TBC1D32: variants seen among roughly 807,000 people sequenced by gnomAD.
TBC1D32 encodes the protein protein broad-minded.
Under a neutral mutation model 170.3 loss-of-function variants are expected in TBC1D32, and 151 were observed. That is an observed-to-expected ratio of 0.89 (90% confidence interval 0.78 to 1.01). The LOEUF (loss-of-function observed/expected upper bound fraction) is 1.01, where lower values mean the gene tolerates loss of function less well. Ranked by LOEUF, TBC1D32 falls within the 50% of genes least tolerant of loss-of-function variation. TBC1D32 has a pLI of 0.00. For synonymous variants in TBC1D32, 498 were observed against 488.0 expected (o/e 1.02, Z -0.27); for missense variants, 1,464 against 1,457.1 (o/e 1.00, Z -0.08).
chr6:121,198,676 G>A (rs1029828524), intron 22 of TBC1D32, among the ~76,000 whole-genome samples: 2 of 151,108 alleles, frequency 1.3e-5, no homozygotes, highest in African/African-American at 4.9e-5. Context: ...GCATGAACCC[G>A]GGAGGCGGAG....
chr6:121,258,267 G>A (rs936584940), intron 15 of TBC1D32, among the ~76,000 whole-genome samples: 1 of 151,942 alleles, frequency 6.6e-6, no homozygotes, highest in African/African-American at 2.4e-5. Flanking sequence ...ATTACTTTGA[G>A]GAATTTTTTT....
intron 26 of TBC1D32, among the ~76,000 whole-genome samples, chr6:121,125,297 C>T (rs916527490): frequency 6.6e-6 from 1 of 152,118 alleles, no homozygotes; most frequent in African/African-American, 2.4e-5. Context: ...ACATAGCTTT[C>T]CAGCCCAGAA....
intron 3 of TBC1D32, among the ~76,000 whole-genome samples, chr6:121,313,821 T>C (rs1808573348): frequency 6.6e-6 from 1 of 152,132 alleles, no homozygotes; most frequent in African/African-American, 2.4e-5. Context: ...GTCTTGCCAT[T>C]TCTCAGCAGT....
intron 14 of TBC1D32, among the ~76,000 whole-genome samples, 191 bp downstream of exon 14, chr6:121,281,353 A>G (rs992597716): frequency 4.0e-5 from 6 of 151,534 alleles, no homozygotes; most frequent in African/African-American, 1.5e-4. Flanking sequence ...TTCCCTCTGC[A>G]TATCATAATA....
At chr6:121,210,565 G>A (rs560019953) in intron 21 of TBC1D32, among the ~76,000 whole-genome samples, 12 of 152,276 alleles carry the variant, frequency 7.9e-5, no homozygotes, top group South Asian at 2.1e-4. Flanking sequence ...GGCAGAATTC[G>A]AAAATGGCCC....
rs1409547939 is a variant in TBC1D32 at position 121,106,088 on chromosome 6, G to A, written c.3400C>T (p.Leu1134=). Residue 1134 remains leucine (L), a synonymous_variant, in exon 30 of 32, where the codon CTA becomes TTA. Transcript: ENST00000398212. ...YFCSTHYIEM[L]LKAELPLVFS... ...ACAAGAGGCAACTCAGCCTTCAGTA[G>A]CATTTCAATATAATGGGTGCTGCAA... The A allele has an allele frequency of 1.9e-6, 3 of 1,609,022 alleles. No homozygotes were observed. Among genetic ancestry groups the A allele is most frequent in the East Asian group, 2.2e-5 (1 of 44,816 alleles).
chr6:121,205,214 A>T (rs772616658), intron 21 of TBC1D32, 51 bp from the exon 22 acceptor site: 1 of 918,528 alleles, frequency 1.1e-6, no homozygotes, highest in African/African-American at 1.7e-5. Flanking sequence ...TCATTTAAAG[A>T]AAATTAAGTC....
intron 1 of TBC1D32, among the ~76,000 whole-genome samples, chr6:121,328,042 A>G (rs1203916961): frequency 6.6e-6 from 1 of 152,174 alleles, no homozygotes; most frequent in African/African-American, 2.4e-5. Flanking sequence ...ATTTAAATCA[A>G]TTCTGCTAAA....
chr6:121,183,784 T>C (rs999409795), intron 22 of TBC1D32, among the ~76,000 whole-genome samples: 1 of 152,058 alleles, frequency 6.6e-6, no homozygotes, highest in African/African-American at 2.4e-5. Context: ...AAAAACATAG[T>C]ACAAGACGTC....
Position 121,090,905 on chromosome 6 carries a change from T to C in TBC1D32, c.3602A>G (p.Gln1201Arg). The change falls in exon 31 of 32, where the codon CAG becomes CGG. Residue 1201 changes from glutamine (Q) to arginine (R), a missense_variant. Physicochemically the swap from Gln to Arg is conservative, Grantham distance 43. Transcript: ENST00000398212. ...YICIAVFKHL[Q>R]QDILQHTQTQ... ...CTGAGTGTGCTGTAGAATGTCTTGC[T>C]GTAAATGTTTGAATACAGCTATACA... 2 of 1,612,952 alleles carry C rather than the reference T, an allele frequency of 1.2e-6. No homozygotes were observed. The highest frequency in any genetic ancestry group is 1.7e-6 in the Non-Finnish European group (2 of 1,179,698).
intron 21 of TBC1D32, among the ~76,000 whole-genome samples, chr6:121,215,242 G>A (rs1309139010): frequency 6.6e-6 from 1 of 152,216 alleles, no homozygotes; most frequent in Non-Finnish European, 1.5e-5. Context: ...AGAATTGGCA[G>A]CTCGGCCCTC....
In TBC1D32 at chr6:121,112,550, C is replaced by T; in HGVS notation, c.3279G>A (p.Arg1093=). 1.9e-6 allele frequency: 3 copies of T among 1,610,656 alleles called. No individual in the cohort carries two copies. The highest frequency in any genetic ancestry group is 2.5e-6 in the Non-Finnish European group (3 of 1,177,986). ...ACCAAAGAAAAGCAGAAGTCAGAAG[C>T]CTGGAGAATTGATGAAGAAATTGGA... ...KTFQFLHQFS[R]LLTSAFLWLP... Residue 1093 remains arginine (R), a synonymous_variant, in exon 29 of 32, where the codon AGG becomes AGA. Transcript: ENST00000398212.
chr6:121,145,400 T>C (rs376880272), intron 24 of TBC1D32, among the ~76,000 whole-genome samples: 2 of 152,150 alleles, frequency 1.3e-5, no homozygotes, highest in Middle Eastern at 3.4e-3. Flanking sequence ...CTCGCTTATG[T>C]GCAAACTGAA....
At chr6:121,190,950 A>T (rs1789926159) in intron 22 of TBC1D32, among the ~76,000 whole-genome samples, 1 of 149,640 alleles carries the variant, frequency 6.7e-6, no homozygotes, top group Admixed American at 6.6e-5. Context: ...GAAGAAAAAC[A>T]TTTCTTTTCT....
intron 22 of TBC1D32, among the ~76,000 whole-genome samples, chr6:121,190,529 AT>A (rs923833862): frequency 3.3e-5 from 5 of 151,812 alleles, no homozygotes; most frequent in African/African-American, 1.2e-4. Flanking sequence ...GGAAATGAAA[AT>A]CAGTGTCTCC....
chr6:121,227,299 G>C (rs1454813987), intron 20 of TBC1D32, among the ~76,000 whole-genome samples: 2 of 152,100 alleles, frequency 1.3e-5, no homozygotes, highest in African/African-American at 4.8e-5. Flanking sequence ...TTTTGGATGA[G>C]AGAATCAAGC....
At chr6:121,147,100 C>G (rs1783550334) in intron 24 of TBC1D32, among the ~76,000 whole-genome samples, 1 of 152,194 alleles carries the variant, frequency 6.6e-6, no homozygotes, top group Non-Finnish European at 1.5e-5. Context: ...CATTAATGCA[C>G]TTAGAATAAT....
chr6:121,318,453 A>T (rs1809232563), intron 2 of TBC1D32, among the ~76,000 whole-genome samples: 1 of 152,112 alleles, frequency 6.6e-6, no homozygotes, highest in African/African-American at 2.4e-5. Context: ...AATATAGTCT[A>T]GCTCTTTATT....
intron 2 of TBC1D32, among the ~76,000 whole-genome samples, chr6:121,319,614 A>G (rs1469799469): frequency 6.6e-6 from 1 of 152,164 alleles, no homozygotes; most frequent in Non-Finnish European, 1.5e-5. Context: ...GTAAATCTTA[A>G]TGATATACAG....
Sources: gnomAD v4.1 joint callset for allele counts (sites outside exome capture counted in the v4.1 genomes callset) on GRCh38, gnomAD v4.1.1 for gene constraint, MANE v1.5 for transcripts, NCBI Gene and HGNC (gene_info 2026-07-23, HGNC 2026-07-21) for gene names.